PUDP: variants seen among roughly 807,000 people sequenced by gnomAD.
The protein encoded by PUDP is pseudouridine 5'-phosphatase.
PUDP carries 8 observed loss-of-function variants against 9.4 expected under a neutral mutation model. That is an observed-to-expected ratio of 0.85 (90% CI 0.50 to 1.53). The LOEUF is 1.53. PUDP is among the 40% of genes most tolerant of loss of function. The pLI is 0.00. For synonymous variants in PUDP, 99 were observed against 80.7 expected (o/e 1.23, Z -1.22); for missense variants, 188 against 189.7 (o/e 0.99, Z 0.05).
At chrX:7,028,794 G>A (rs1169816917) in intron 1 of PUDP, among the ~76,000 whole-genome samples, 2 of 111,664 alleles carry the variant, frequency 1.8e-5, no homozygotes, top group Non-Finnish European at 3.8e-5. Flanking sequence ...CACGGACCGG[G>A]CCGCTTACCA....
Position 7,050,310 on chromosome X carries a change from G to T in PUDP, c.673C>A (p.Pro225Thr), listed in dbSNP as rs1243283469. Reference protein sequence around the residue: ...QDFQPELFGLPSYE With the variant: ...QDFQPELFGLTSYE ...GGCCCTCCCTCTCACTCATAGGAGG[G>T]CAAACCAAACAGCTCGGGCTGGAAG... The change falls in exon 4 of 4, where the codon CCC (proline) becomes ACC (threonine). Residue 225 changes from proline (P) to threonine (T), a missense_variant. Physicochemically the swap from Pro to Thr is conservative, Grantham distance 38. Coordinates refer to ENST00000381077, the MANE Select transcript of PUDP (RefSeq NM_012080.5). The T allele has an allele frequency of 1.7e-6, 2 of 1,209,150 alleles. No individual in the cohort carries two copies. The highest frequency in any genetic ancestry group is 3.5e-5 in the African/African-American group (2 of 57,120).
At chrX:6,762,513 C>T (rs780292739) in intron 3 of PUDP, among the ~76,000 whole-genome samples, 307 of 111,328 alleles carry the variant, frequency 2.8e-3, no homozygotes, top group Non-Finnish European at 4.8e-3. Context: ...AAAGATTGTT[C>T]CAGGGAGTGG....
chrX:6,944,165 TAGTG>T (rs1345044315), intron 3 of PUDP, among the ~76,000 whole-genome samples: 6 of 110,856 alleles, frequency 5.4e-5, no homozygotes, highest in Non-Finnish European at 1.1e-4. Context: ...GTTCTCATGA[TAGTG>T]AGTGAGTTCT....
At chrX:7,063,550 C>T (rs1033361791) in intron 3 of PUDP, among the ~76,000 whole-genome samples, 1 of 111,792 alleles carries the variant, frequency 8.9e-6, no homozygotes, top group African/African-American at 3.3e-5. Flanking sequence ...TAGGAGGTAC[C>T]GTGCTTCCTG....
chrX:7,125,405 A>G (rs183092350), intron 1 of PUDP, among the ~76,000 whole-genome samples: 15 of 111,862 alleles, frequency 1.3e-4, no homozygotes, highest in Middle Eastern at 9.2e-3. Flanking sequence ...TCTCAGAGCT[A>G]GTTTTCCAGT....
intron 3 of PUDP, among the ~76,000 whole-genome samples, chrX:6,948,189 A>C (rs1928497121): frequency 8.9e-6 from 1 of 112,236 alleles, no homozygotes; most frequent in Non-Finnish European, 1.9e-5. Flanking sequence ...GAACTCACCT[A>C]AAATTATTCT....
At chrX:6,915,728 C>T (rs778339543) in intron 3 of PUDP, among the ~76,000 whole-genome samples, 1 of 112,174 alleles carries the variant, frequency 8.9e-6, no homozygotes, top group East Asian at 2.8e-4. Context: ...AGTATTTCAA[C>T]TTATCCATTT....
chrX:7,101,235 G>A (rs1931723301), intron 2 of PUDP, among the ~76,000 whole-genome samples: 1 of 111,360 alleles, frequency 9.0e-6, no homozygotes, highest in Non-Finnish European at 1.9e-5. Flanking sequence ...GTATATGCGT[G>A]TGCACACACA....
intron 1 of PUDP, among the ~76,000 whole-genome samples, chrX:7,035,640 G>T (rs957895186): frequency 6.3e-5 from 7 of 111,987 alleles, no homozygotes; most frequent in Non-Finnish European, 9.4e-5. Flanking sequence ...AGTTGCTGAG[G>T]ATCCAGCCTT....
At chrX:6,960,161 T>C (rs1280925504) in intron 3 of PUDP, among the ~76,000 whole-genome samples, 4 of 112,410 alleles carry the variant, frequency 3.6e-5, no homozygotes, top group African/African-American at 1.3e-4. Context: ...AAAAGTATTC[T>C]GCATGTAAGA....
At chrX:6,890,935 CAAAAAAAAAAAA>C (rs764486249) in intron 3 of PUDP, among the ~76,000 whole-genome samples, 98 of 33,135 alleles carry the variant, frequency 3.0e-3, no homozygotes, top group Middle Eastern at 0.023. Flanking sequence ...CTCATCTCTC[CAAAAAAAAAAAA>C]AAAAAAAAAA....
chrX:7,040,729 C>T (rs7049400), intron 1 of PUDP, among the ~76,000 whole-genome samples: 36,264 of 110,425 alleles, frequency 0.33, 4,575 homozygotes, highest in Middle Eastern at 0.47. Flanking sequence ...ATGGTAGTTT[C>T]CTAATCCTGT....
At chrX:6,749,994 G>A (rs757684794) in intron 3 of PUDP, among the ~76,000 whole-genome samples, 5 of 112,060 alleles carry the variant, frequency 4.5e-5, no homozygotes, top group African/African-American at 1.3e-4. Flanking sequence ...CCAAAGAGTC[G>A]AGTATAAAAT....
rs1602700881 is a variant in PUDP, at chrX:6,982,115, A to C, written c.205-3772T>G. The stretch of plus-strand genomic sequence containing the variant: ...TGGAGACACACACATACACACACAC[A>C]CACAAATACACACACACAAGCATAT... On this transcript the variant is annotated intron_variant and NMD_transcript_variant, in intron 1 of 3. Transcript: ENST00000655425. Among the ~76,000 whole-genome samples, 4 of 109,978 alleles carry C rather than the reference A, an allele frequency of 3.6e-5. No individual in the cohort carries two copies. The South Asian group carries it at 1.6e-3, about 44-fold the overall frequency.
intron 3 of PUDP, among the ~76,000 whole-genome samples, chrX:6,961,181 C>T (rs1185812024): frequency 1.8e-5 from 2 of 111,183 alleles, no homozygotes; most frequent in Non-Finnish European, 3.8e-5. Flanking sequence ...AGGTGGATTG[C>T]TTGAGCCCAG....
intron 3 of PUDP, among the ~76,000 whole-genome samples, chrX:6,841,920 T>C (rs1926678071): frequency 1.8e-5 from 2 of 110,860 alleles, no homozygotes; most frequent in African/African-American, 6.6e-5. Flanking sequence ...GGGGGGGTTA[T>C]GTGTGTGTAT....
In PUDP at chrX:6,752,221, G is replaced by A. The variant is rs144440900; in HGVS notation, c.*248-45755C>T. On this transcript the variant is annotated intron_variant and NMD_transcript_variant, in intron 3 of 3. Coordinates refer to the PUDP transcript ENST00000655425. Reference sequence around the variant, plus strand: ...CTTCCTGGTTTCCTAAACTTCACTCGATTGCTTCTTCTTGGTCTTGATCCA... The same window carrying A: ...CTTCCTGGTTTCCTAAACTTCACTCAATTGCTTCTTCTTGGTCTTGATCCA... Among the ~76,000 whole-genome samples, 23 of 111,505 alleles carry A rather than the reference G, an allele frequency of 2.1e-4. No individual in the cohort carries two copies. The East Asian group carries it at 3.1e-3, about 15-fold the overall frequency.
intron 3 of PUDP, among the ~76,000 whole-genome samples, chrX:6,934,520 G>A (rs1211129286): frequency 9.1e-6 from 1 of 110,252 alleles, no homozygotes; most frequent in East Asian, 2.8e-4. Flanking sequence ...ACCAGCCGCT[G>A]CAAAATCATG....
chrX:7,060,654 G>A (rs1443610053), intron 3 of PUDP, among the ~76,000 whole-genome samples: 3 of 112,459 alleles, frequency 2.7e-5, no homozygotes, highest in Non-Finnish European at 5.6e-5. Context: ...TTTTGGGGAC[G>A]TTTTCACAAA....
Sources: gnomAD v4.1 joint callset for allele counts (sites outside exome capture counted in the v4.1 genomes callset) on GRCh38, gnomAD v4.1.1 for gene constraint, MANE v1.5 for transcripts, NCBI Gene and HGNC (gene_info 2026-07-23, HGNC 2026-07-21) for gene names.